The following LRP1B variants were observed in gnomAD, a reference collection of about 807,000 sequenced individuals.
The protein encoded by LRP1B is low-density lipoprotein receptor-related protein 1B.
In LRP1B, 217 loss-of-function variants were observed where a neutral mutation model predicts 556.6. That is an observed-to-expected ratio of 0.39 (90% CI 0.35 to 0.44). LRP1B has a LOEUF of 0.44. LRP1B is among the 20% of genes least tolerant of loss of function. LRP1B has a pLI of 1.00. For missense variants in LRP1B, 5,053 were observed against 5,620.8 expected (o/e 0.90, Z 3.23); for synonymous variants, 2,047 against 1,865.8 (o/e 1.10, Z -2.50).
intron 2 of LRP1B, among the ~76,000 whole-genome samples, chr2:141,739,205 T>C (rs1254606511): frequency 1.3e-5 from 2 of 152,136 alleles, no homozygotes; most frequent in African/African-American, 2.4e-5. Flanking sequence ...GTTTGTTTTT[T>C]ATTCTGTTAT....
At chr2:141,900,164 A>G (rs571712518) in intron 1 of LRP1B, among the ~76,000 whole-genome samples, 3 of 152,238 alleles carry the variant, frequency 2.0e-5, no homozygotes, top group Non-Finnish European at 4.4e-5. Context: ...ATAGTGCTTC[A>G]AATTCTTGTC....
At chr2:140,330,717 C>T (rs1464554490) in intron 79 of LRP1B, among the ~76,000 whole-genome samples, 2 of 151,932 alleles carry the variant, frequency 1.3e-5, no homozygotes, top group Admixed American at 6.6e-5. Flanking sequence ...AAAAAATTGA[C>T]AAATAGGATC....
intron 1 of LRP1B, among the ~76,000 whole-genome samples, chr2:142,063,515 G>A (rs1266026342): frequency 6.6e-6 from 1 of 151,610 alleles, no homozygotes; most frequent in Non-Finnish European, 1.5e-5. Flanking sequence ...CAACATGTCT[G>A]CCTCTACTGG....
chr2:141,694,553 CA>C (rs1449429377), intron 2 of LRP1B, among the ~76,000 whole-genome samples: 1 of 134,952 alleles, frequency 7.4e-6, no homozygotes, highest in African/African-American at 2.9e-5. Context: ...ATTTTAAAAT[CA>C]TTCAGTTTGA....
intron 2 of LRP1B, among the ~76,000 whole-genome samples, chr2:141,700,713 G>T (rs1691912579): frequency 6.6e-6 from 1 of 151,690 alleles, no homozygotes; most frequent in Non-Finnish European, 1.5e-5. Context: ...CCAAAATCCA[G>T]CCATAAAACC....
intron 43 of LRP1B, among the ~76,000 whole-genome samples, chr2:140,595,108 A>ATC (rs1682385600): frequency 3.0e-5 from 2 of 67,074 alleles, no homozygotes; most frequent in Admixed American, 1.6e-4. Flanking sequence ...ATATATATAT[A>ATC]TATATATATA....
intron 7 of LRP1B, among the ~76,000 whole-genome samples, chr2:141,167,687 A>C (rs1005044636): frequency 4.6e-5 from 7 of 151,902 alleles, no homozygotes; most frequent in African/African-American, 1.7e-4. Context: ...ACTTTTTAAA[A>C]ATCTATTTAT....
chr2:140,916,941 TCAGTG>T (rs1308037951), intron 21 of LRP1B, among the ~76,000 whole-genome samples: 1 of 152,238 alleles, frequency 6.6e-6, no homozygotes, highest in Non-Finnish European at 1.5e-5. Context: ...AGTGTACATG[TCAGTG>T]CATTATAATG....
At chr2:141,026,179 A>G (rs1228254527) in intron 11 of LRP1B, among the ~76,000 whole-genome samples, 1 of 152,076 alleles carries the variant, frequency 6.6e-6, no homozygotes, top group East Asian at 1.9e-4. Context: ...ATAAAAGTAA[A>G]ACACTTTTGG....
At chr2:141,948,968 A>G (rs1411149610) in intron 1 of LRP1B, among the ~76,000 whole-genome samples, 1 of 152,162 alleles carries the variant, frequency 6.6e-6, no homozygotes, top group East Asian at 1.9e-4. Context: ...ACGCAAATAT[A>G]CACAGACATT....
At chr2:140,340,927 T>A (rs1216238130) in intron 77 of LRP1B, among the ~76,000 whole-genome samples, 1 of 151,494 alleles carries the variant, frequency 6.6e-6, no homozygotes, top group African/African-American at 2.4e-5. Flanking sequence ...ATATAATCAT[T>A]TTGCAACCAA....
intron 7 of LRP1B, among the ~76,000 whole-genome samples, chr2:141,124,767 A>G (rs1023013233): frequency 1.3e-5 from 2 of 152,132 alleles, no homozygotes; most frequent in Non-Finnish European, 2.9e-5. Flanking sequence ...ATTTTGAAAA[A>G]CATTTAAAAG....
intron 3 of LRP1B, among the ~76,000 whole-genome samples, chr2:141,464,728 G>C (rs1001091028): frequency 6.6e-6 from 1 of 150,632 alleles, no homozygotes; most frequent in Admixed American, 6.6e-5. Flanking sequence ...CCCTGCGCCC[G>C]TCCCTTTGCT....
Position 140,534,155 on chromosome 2 carries a change from T to C in LRP1B, c.7643-15A>G. 2 of 1,604,648 alleles carry C rather than the reference T, an allele frequency of 1.2e-6. No individual in the cohort carries two copies. Among genetic ancestry groups the C allele is most frequent in the Non-Finnish European group, 1.7e-6 (2 of 1,174,618 alleles). On this transcript the variant is annotated splice_polypyrimidine_tract_variant and intron_variant, in intron 46 of 90. Coordinates refer to ENST00000389484, the MANE Select transcript of LRP1B (RefSeq NM_018557.3). ...GCTTCTGTTTTCTTATAAATAAAAG[T>C]AGAAACACACAACCAGAGATCATAT...
At chr2:141,526,732 G>A (rs1029534148) in intron 2 of LRP1B, among the ~76,000 whole-genome samples, 2 of 151,720 alleles carry the variant, frequency 1.3e-5, no homozygotes, top group Non-Finnish European at 2.9e-5. Flanking sequence ...CTGGTAAAAG[G>A]GTATTGTAAG....
chr2:140,735,167 T>A (rs993600041), intron 35 of LRP1B, among the ~76,000 whole-genome samples: 2 of 152,108 alleles, frequency 1.3e-5, no homozygotes, highest in African/African-American at 4.8e-5. Flanking sequence ...GGTTGGGCCA[T>A]CCACACGATG....
chr2:141,654,610 A>G (rs970232894), intron 2 of LRP1B, among the ~76,000 whole-genome samples: 27 of 152,010 alleles, frequency 1.8e-4, no homozygotes, highest in Non-Finnish European at 8.8e-5. Flanking sequence ...GACATTTAGT[A>G]GAGAAGAACC....
chr2:141,880,534 TA>T (rs916079667), intron 1 of LRP1B, among the ~76,000 whole-genome samples: 4 of 151,788 alleles, frequency 2.6e-5, no homozygotes, highest in Admixed American at 6.6e-5. Flanking sequence ...TCAATTTTAA[TA>T]AAAAAAGGAA....
intron 1 of LRP1B, among the ~76,000 whole-genome samples, chr2:141,997,937 T>A (rs1189667051): frequency 2.0e-5 from 3 of 152,156 alleles, no homozygotes; most frequent in African/African-American, 7.2e-5. Flanking sequence ...TCCTCTCAGA[T>A]CTTCAACTGC....
Sources: gnomAD v4.1 joint callset for allele counts (sites outside exome capture counted in the v4.1 genomes callset) on GRCh38, gnomAD v4.1.1 for gene constraint, MANE v1.5 for transcripts, NCBI Gene and HGNC (gene_info 2026-07-23, HGNC 2026-07-21) for gene names.